PTK2: variants seen among roughly 807,000 people sequenced by gnomAD.
The protein encoded by PTK2 is focal adhesion kinase 1.
A neutral mutation model predicts 150.1 loss-of-function variants in PTK2; 45 were observed. That is an observed-to-expected ratio of 0.30 (90% CI 0.24 to 0.38). The LOEUF is 0.38. Among genes scored for constraint, PTK2 ranks in the 10% least tolerant of loss-of-function variants. The probability of loss-of-function intolerance (pLI) is 1.00; values close to 1 mark genes in which losing one functional copy is unlikely to be tolerated. For missense variants in PTK2, 919 were observed against 1,307.3 expected, an observed-to-expected ratio of 0.70 and a Z score of 4.58; for synonymous variants, 432 against 449.2, an observed-to-expected ratio of 0.96 and a Z score of 0.48.
At chr8:140,963,959 C>T (rs56881968) in intron 1 of PTK2, among the ~76,000 whole-genome samples, 3,678 of 152,258 alleles carry the variant, frequency 0.024, 158 homozygotes, top group African/African-American at 0.085. Context: ...TCCTTTTCTA[C>T]GGTAGGGTCA....
chr8:140,863,833 A>C (rs1241312833), intron 5 of PTK2, among the ~76,000 whole-genome samples: 1 of 152,246 alleles, frequency 6.6e-6, no homozygotes, highest in Admixed American at 6.5e-5. Flanking sequence ...AAAGCAAAAA[A>C]AATTACCAAG....
intron 14 of PTK2, among the ~76,000 whole-genome samples, chr8:140,783,392 A>G (rs2100083019): frequency 6.6e-6 from 1 of 152,332 alleles, no homozygotes; most frequent in South Asian, 2.1e-4. Context: ...CTTTATGTGT[A>G]AAGTGAAAAT....
chr8:140,660,462 C>T lies in PTK2; in HGVS notation c.2947-784G>A, dbSNP rs560894778. On this transcript the variant is annotated intron_variant, in intron 31 of 31. Coordinates refer to ENST00000522684, the Ensembl canonical transcript of PTK2. ...GGTGGCAGGGCGCAGTGGCTCACTC[C>T]TGTACAATTTCAGCACTTTGGGCGG... 147 of 395,018 alleles carry T rather than the reference C, an allele frequency of 3.7e-4. 2 individuals are homozygous for T. Among genetic ancestry groups the T allele is most frequent in the South Asian group, 2.6e-3 (139 of 54,028 alleles). 24.5% of individuals were successfully genotyped at this position (395,018 alleles called of 1,614,324 possible).
chr8:140,983,145 G>C (rs2100192074), intron 1 of PTK2, among the ~76,000 whole-genome samples: 1 of 152,080 alleles, frequency 6.6e-6, no homozygotes, highest in African/African-American at 2.4e-5. Context: ...CCAGCACTTT[G>C]GGAGGCCAAG....
rs372336479 is a variant in PTK2, at chr8:140,964,997, G to A, written c.-122+36128C>T. 5.9e-5 allele frequency among the ~76,000 whole-genome samples: 9 copies of A among 152,220 alleles called. No homozygotes were observed. The South Asian group carries it at 1.2e-3, about 21-fold the overall frequency. On this transcript the variant is annotated intron_variant, in intron 1 of 31. Coordinates refer to ENST00000522684, the Ensembl canonical transcript of PTK2. ...TTTTGATGGTCCTGCTATCATGAAC[G>A]GATATGGAAACTAAGACCTAATAAT... is the stretch of plus-strand genomic sequence containing the variant.
chr8:140,800,470 C>G (rs1420363106), exon 12 of PTK2: 1 of 1,612,380 alleles, frequency 6.2e-7, no homozygotes. Context: ...TTTCTGAGGT[C>G]TGATGATAAA....
intron 26 of PTK2, among the ~76,000 whole-genome samples, chr8:140,697,001 G>A (rs937915624): frequency 1.3e-5 from 2 of 151,970 alleles, no homozygotes; most frequent in African/African-American, 4.8e-5. Flanking sequence ...GGGCGTGGTG[G>A]TGCGTGACTG....
chr8:140,856,017 T>A (rs546158605), intron 5 of PTK2, among the ~76,000 whole-genome samples: 2 of 152,254 alleles, frequency 1.3e-5, no homozygotes, highest in Admixed American at 1.3e-4. Context: ...ACAAAAAGGT[T>A]TAAGCAGATT....
intron 4 of PTK2, among the ~76,000 whole-genome samples, chr8:140,876,906 T>C (rs776749237): frequency 2.6e-4 from 39 of 152,158 alleles, no homozygotes; most frequent in Non-Finnish European, 2.2e-4. Context: ...CCTCCCCTTT[T>C]AAATATACAG....
At chr8:140,717,791 AAC>A (rs1239224169) in intron 22 of PTK2, 82 bp from the exon 26 acceptor site, 6 of 1,064,844 alleles carry the variant, frequency 5.6e-6, no homozygotes, top group Non-Finnish European at 8.8e-6. Flanking sequence ...TTATCTAAGG[AAC>A]ACCAGTTGGC....
chr8:140,924,919 A>G (rs1000161729), intron 2 of PTK2, among the ~76,000 whole-genome samples: 1 of 152,218 alleles, frequency 6.6e-6, no homozygotes, highest in Non-Finnish European at 1.5e-5. Flanking sequence ...TGTTATAAGC[A>G]AGATCAGTAA....
At chr8:140,930,234 T>C (rs548631921) in intron 1 of PTK2, among the ~76,000 whole-genome samples, 1 of 152,236 alleles carries the variant, frequency 6.6e-6, no homozygotes, top group Admixed American at 6.5e-5. Context: ...TTAAATGTTG[T>C]GTCTGAAAAT....
intron 2 of PTK2, among the ~76,000 whole-genome samples, chr8:140,906,661 A>C (rs1270666383): frequency 1.3e-5 from 2 of 152,172 alleles, no homozygotes; most frequent in African/African-American, 4.8e-5. Context: ...AGAGGCTGGG[A>C]AGGGAAAGGG....
intron 27 of PTK2, among the ~76,000 whole-genome samples, chr8:140,676,236 C>CATA (rs1455792905): frequency 6.6e-6 from 1 of 151,854 alleles, no homozygotes; most frequent in Non-Finnish European, 1.5e-5. Context: ...ATTAGCTGGG[C>CATA]GTGGTGGTAC....
At chr8:140,672,157 G>A (rs1172116571) in intron 29 of PTK2, 3 of 452,908 alleles carry the variant, frequency 6.6e-6, no homozygotes, top group Non-Finnish European at 1.3e-5. Context: ...TGTTCTTTTG[G>A]CTTATGAAAA....
chr8:140,771,679 A>C (rs950056666), intron 14 of PTK2, among the ~76,000 whole-genome samples: 1 of 152,228 alleles, frequency 6.6e-6, no homozygotes, highest in Non-Finnish European at 1.5e-5. Flanking sequence ...CAAGATGGTA[A>C]CAATCTTATT....
At chr8:140,729,183 A>C (rs557319781) in intron 22 of PTK2, among the ~76,000 whole-genome samples, 1 of 152,382 alleles carries the variant, frequency 6.6e-6, no homozygotes, top group African/African-American at 2.4e-5. Flanking sequence ...GAAGCAAAAC[A>C]TGACAGCACA....
intron 2 of PTK2, among the ~76,000 whole-genome samples, chr8:140,897,148 G>A (rs930774836): frequency 6.6e-6 from 1 of 152,086 alleles, no homozygotes; most frequent in Non-Finnish European, 1.5e-5. Context: ...GGAGTATGTC[G>A]GGGGAGAAGC....
intron 23 of PTK2, among the ~76,000 whole-genome samples, chr8:140,709,954 T>C (rs75982565): frequency 0.024 from 3,709 of 152,074 alleles, 154 homozygotes; most frequent in African/African-American, 0.086. Flanking sequence ...CAATTGCAGA[T>C]TGAAAACATA....
Sources: gnomAD v4.1 joint callset for allele counts (sites outside exome capture counted in the v4.1 genomes callset) on GRCh38, gnomAD v4.1.1 for gene constraint, MANE v1.5 for transcripts, NCBI Gene and HGNC (gene_info 2026-07-23, HGNC 2026-07-21) for gene names.